Variants in BABAM2 observed in about 807,000 individuals in gnomAD.
The protein encoded by BABAM2 is BRISC and BRCA1-A complex member 2.
BABAM2 carries 31 observed loss-of-function variants against 54.7 expected under a neutral mutation model. That is an observed-to-expected ratio of 0.57 (90% CI 0.43 to 0.77). The LOEUF is 0.77. Ranked by LOEUF, BABAM2 falls within the 30% of genes least tolerant of loss-of-function variation. The probability of loss-of-function intolerance (pLI) is 0.00; values close to 1 mark genes in which losing one functional copy is unlikely to be tolerated. For synonymous variants in BABAM2, 167 were observed against 162.9 expected (o/e 1.03, Z -0.19); for missense variants, 364 against 455.8 (o/e 0.80, Z 1.83).
intron 3 of BABAM2, among the ~76,000 whole-genome samples, chr2:27,957,394 A>G (rs1412333078): frequency 2.6e-5 from 4 of 151,928 alleles, no homozygotes; most frequent in Non-Finnish European, 4.4e-5. Flanking sequence ...TCTTTACCCC[A>G]TTTTCTACTA....
At chr2:27,961,309 G>A (rs1192854346) in intron 3 of BABAM2, among the ~76,000 whole-genome samples, 1 of 152,090 alleles carries the variant, frequency 6.6e-6, no homozygotes, top group East Asian at 1.9e-4. Flanking sequence ...TTCCCTTTGC[G>A]GTGGTGCGAA....
intron 7 of BABAM2, among the ~76,000 whole-genome samples, chr2:28,144,269 C>T (rs1671310498): frequency 6.6e-6 from 1 of 152,176 alleles, no homozygotes; most frequent in African/African-American, 2.4e-5. Context: ...ATCCTTCTTT[C>T]AAAATGTTCA....
intron 7 of BABAM2, among the ~76,000 whole-genome samples, chr2:28,132,203 A>G (rs1670144164): frequency 6.9e-6 from 1 of 145,078 alleles, no homozygotes; most frequent in Non-Finnish European, 1.5e-5. Flanking sequence ...CAGTGGCACC[A>G]TCTCCGCTCA....
At chr2:28,153,225 G>A (rs1173836162) in intron 7 of BABAM2, among the ~76,000 whole-genome samples, 7 of 152,012 alleles carry the variant, frequency 4.6e-5, no homozygotes, top group Admixed American at 4.6e-4. Context: ...TTCATAAATG[G>A]CTTATTTTTG....
intron 7 of BABAM2, among the ~76,000 whole-genome samples, chr2:28,183,501 G>A (rs1675867680): frequency 6.6e-6 from 1 of 152,100 alleles, no homozygotes; most frequent in Non-Finnish European, 1.5e-5. Flanking sequence ...ATATAATAGT[G>A]AGGCCTGAAG....
intron 3 of BABAM2, among the ~76,000 whole-genome samples, chr2:27,979,676 A>T (rs1446444022): frequency 6.6e-6 from 1 of 152,098 alleles, no homozygotes; most frequent in Non-Finnish European, 1.5e-5. Flanking sequence ...GTTAGATGGT[A>T]TCTCGTGGTT....
At chr2:28,204,497 G>A (rs1573835367) in intron 7 of BABAM2, among the ~76,000 whole-genome samples, 1 of 151,930 alleles carries the variant, frequency 6.6e-6, no homozygotes, top group East Asian at 1.9e-4. Context: ...AGAGTCATTT[G>A]TGGGGACCCT....
chr2:28,235,767 A>G (rs959817258), intron 7 of BABAM2, among the ~76,000 whole-genome samples: 1 of 151,714 alleles, frequency 6.6e-6, no homozygotes, highest in Non-Finnish European at 1.5e-5. Context: ...GTGATCTCCC[A>G]CCTCAGTTTC....
At chr2:28,011,449 T>C (rs1011611643) in intron 4 of BABAM2, among the ~76,000 whole-genome samples, 20 of 152,188 alleles carry the variant, frequency 1.3e-4, no homozygotes, top group Non-Finnish European at 2.5e-4. Flanking sequence ...CATTTGCACA[T>C]AAGTTGTGTT....
At chr2:27,902,905 T>TTGTG (rs57389847) in intron 2 of BABAM2, among the ~76,000 whole-genome samples, 298 of 147,860 alleles carry the variant, frequency 2.0e-3, no homozygotes, top group African/African-American at 4.1e-3. Flanking sequence ...GTGTGTGTGT[T>TTGTG]TGTGTGTGTG....
chr2:27,998,298 C>CA (rs1300723391), intron 4 of BABAM2, among the ~76,000 whole-genome samples: 2 of 151,758 alleles, frequency 1.3e-5, no homozygotes, highest in Non-Finnish European at 2.9e-5. Context: ...TGGATTTAAA[C>CA]AAAAAATATT....
chr2:28,156,956 C>G lies in BABAM2; in HGVS notation c.680+27576C>G, dbSNP rs191919240. Among the ~76,000 whole-genome samples, 31 of 152,296 alleles carry G rather than the reference C, an allele frequency of 2.0e-4. 1 individual carries two copies. Among genetic ancestry groups the G allele is most frequent in the Admixed American group, 1.8e-3 (27 of 15,296 alleles). ...TGATAGAAATCTCTTTCACAGCCAA[C>G]TTTTCTTTAAAGTGAATTACATATT... On this transcript the variant is annotated intron_variant, in intron 7 of 11. Transcript: ENST00000379624.
At chr2:28,246,557 G>A (rs541929829) in intron 10 of BABAM2, among the ~76,000 whole-genome samples, 2 of 152,268 alleles carry the variant, frequency 1.3e-5, no homozygotes, top group Non-Finnish European at 2.9e-5. Context: ...CTGAGTGGCT[G>A]TGGACAACTC....
chr2:28,130,935 T>G (rs575585505), intron 7 of BABAM2, among the ~76,000 whole-genome samples: 24 of 152,014 alleles, frequency 1.6e-4, no homozygotes, highest in Non-Finnish European at 2.2e-4. Flanking sequence ...GAGACAGAGT[T>G]TCACCATGTT....
At chr2:27,944,214 T>A (rs1669131692) in intron 3 of BABAM2, among the ~76,000 whole-genome samples, 1 of 152,168 alleles carries the variant, frequency 6.6e-6, no homozygotes, top group South Asian at 2.1e-4. Context: ...CACTCTTTAA[T>A]ATCAATTTTA....
chr2:28,080,261 A>C (rs1361350699), intron 6 of BABAM2, among the ~76,000 whole-genome samples: 1 of 152,162 alleles, frequency 6.6e-6, no homozygotes, highest in African/African-American at 2.4e-5. Flanking sequence ...ATAATCTCTG[A>C]GGTTCAGCCT....
chr2:27,906,371 T>G (rs1338569535), intron 2 of BABAM2, among the ~76,000 whole-genome samples: 3 of 152,236 alleles, frequency 2.0e-5, no homozygotes, highest in African/African-American at 7.2e-5. Context: ...GGTAGTTAGC[T>G]GCCTGTCTAG....
chr2:28,135,596 G>T (rs1313402202), intron 7 of BABAM2, among the ~76,000 whole-genome samples: 1 of 152,080 alleles, frequency 6.6e-6, no homozygotes, highest in African/African-American at 2.4e-5. Flanking sequence ...TGTGTGTTCA[G>T]TTGACACCTC....
intron 2 of BABAM2, among the ~76,000 whole-genome samples, chr2:27,917,220 G>A (rs541765548): frequency 6.6e-4 from 100 of 152,050 alleles, no homozygotes; most frequent in Non-Finnish European, 1.2e-3. Flanking sequence ...GTTTCACCAC[G>A]TTGGCCAGGA....
Sources: allele counts gnomAD v4.1 joint callset (sites outside exome capture counted in the v4.1 genomes callset), GRCh38; gene constraint gnomAD v4.1.1; transcripts MANE v1.5; gene names NCBI Gene and HGNC (gene_info 2026-07-23, HGNC 2026-07-21).